Variants in RBMS3 observed in about 807,000 individuals in gnomAD.
RBMS3 encodes RNA-binding motif, single-stranded-interacting protein 3.
Under a neutral mutation model 66.8 loss-of-function variants are expected in RBMS3, and 27 were observed. The ratio of observed to expected loss-of-function variants is 0.40; its 90% CI spans 0.30 to 0.56. RBMS3 has a LOEUF of 0.56. RBMS3 is among the 20% of genes least tolerant of loss of function. The pLI is 0.40. For synonymous variants in RBMS3, 188 were observed against 183.0 expected, an observed-to-expected ratio of 1.03 and a Z score of -0.22; for missense variants, 513 against 549.5, an observed-to-expected ratio of 0.93 and a Z score of 0.66.
chr3:29,682,584 A>G (rs533746855), intron 4 of RBMS3, among the ~76,000 whole-genome samples: 106 of 152,328 alleles, frequency 7.0e-4, no homozygotes, highest in African/African-American at 2.5e-3. Context: ...TGCCACAGGC[A>G]GGAGTTGAAA....
At chr3:29,354,745 A>T (rs1009922627) in intron 1 of RBMS3, among the ~76,000 whole-genome samples, 1 of 152,138 alleles carries the variant, frequency 6.6e-6, no homozygotes, top group African/African-American at 2.4e-5. Context: ...AATAGAGTGG[A>T]TACTGACCAA....
chr3:29,863,637 A>C (rs914932029), intron 6 of RBMS3, among the ~76,000 whole-genome samples: 1 of 152,196 alleles, frequency 6.6e-6, no homozygotes, highest in Non-Finnish European at 1.5e-5. Flanking sequence ...TGTAAAATTT[A>C]TGAAGACAGT....
chr3:29,796,286 G>GT (rs536252067), intron 6 of RBMS3, among the ~76,000 whole-genome samples: 33 of 152,166 alleles, frequency 2.2e-4, no homozygotes, highest in African/African-American at 7.9e-4. Flanking sequence ...TCTAATTCTA[G>GT]TTCTCTTGCT....
At chr3:29,630,444 A>G (rs770355162) in intron 4 of RBMS3, among the ~76,000 whole-genome samples, 7 of 151,916 alleles carry the variant, frequency 4.6e-5, no homozygotes, top group Admixed American at 1.3e-4. Context: ...CTCATTGTCA[A>G]TTTCCCCCAG....
intron 4 of RBMS3, among the ~76,000 whole-genome samples, chr3:29,605,946 T>C (rs1021104476): frequency 1.3e-5 from 2 of 151,146 alleles, no homozygotes; most frequent in Admixed American, 1.3e-4. Flanking sequence ...TTTCTGGCTT[T>C]GTTAAGACAT....
chr3:29,687,747 A>G (rs1411650042), intron 4 of RBMS3, among the ~76,000 whole-genome samples: 2 of 152,178 alleles, frequency 1.3e-5, no homozygotes, highest in African/African-American at 2.4e-5. Context: ...CTGTTTTCCC[A>G]TTTCCATATG....
intron 12 of RBMS3, among the ~76,000 whole-genome samples, chr3:29,953,202 A>C (rs913316293): frequency 2.6e-5 from 4 of 151,910 alleles, no homozygotes; most frequent in African/African-American, 7.2e-5. Flanking sequence ...AATGAGGGGC[A>C]ATTGAATGAT....
chr3:29,601,811 CT>C (rs2048154795), intron 4 of RBMS3, among the ~76,000 whole-genome samples: 1 of 151,886 alleles, frequency 6.6e-6, no homozygotes, highest in African/African-American at 2.4e-5. Context: ...TGATGATGTA[CT>C]TTTTAATTTA....
chr3:29,447,452 T>C (rs879722839), intron 2 of RBMS3, among the ~76,000 whole-genome samples: 17 of 152,232 alleles, frequency 1.1e-4, no homozygotes, highest in Non-Finnish European at 2.1e-4. Flanking sequence ...GGCACCAGAA[T>C]GCCTGAGTTC....
At chr3:29,477,249 T>C (rs1270595445) in intron 2 of RBMS3, among the ~76,000 whole-genome samples, 1 of 152,166 alleles carries the variant, frequency 6.6e-6, no homozygotes, top group Non-Finnish European at 1.5e-5. Flanking sequence ...ATATAATGTA[T>C]AAAAAGCAAT....
chr3:29,642,215 C>A (rs1002965415), intron 4 of RBMS3, among the ~76,000 whole-genome samples: 1 of 152,028 alleles, frequency 6.6e-6, no homozygotes, highest in Admixed American at 6.6e-5. Flanking sequence ...GTTTGCAATT[C>A]TAAGTGGAAA....
intron 8 of RBMS3, among the ~76,000 whole-genome samples, chr3:29,892,311 C>T (rs2060018833): frequency 6.6e-6 from 1 of 151,504 alleles, no homozygotes; most frequent in Non-Finnish European, 1.5e-5. Context: ...AAAGAAACCC[C>T]AGAAGTAACT....
intron 6 of RBMS3, chr3:29,766,421 G>A (rs2055931409): frequency 1.3e-5 from 2 of 152,066 alleles, no homozygotes; most frequent in East Asian, 1.9e-4. Flanking sequence ...GCAAGGACAT[G>A]TAACACTGAC....
chr3:29,839,088 G>A (rs2058601832), intron 6 of RBMS3, among the ~76,000 whole-genome samples: 1 of 152,080 alleles, frequency 6.6e-6, no homozygotes, highest in Admixed American at 6.6e-5. Flanking sequence ...CATAATGAGT[G>A]GATTGTTAAT....
At chr3:29,660,473 A>G (rs920232355) in intron 4 of RBMS3, among the ~76,000 whole-genome samples, 1 of 152,146 alleles carries the variant, frequency 6.6e-6, no homozygotes, top group African/African-American at 2.4e-5. Context: ...ATGTTTTTCA[A>G]TCCATTCCAC....
chr3:29,940,010 C>T (rs2061352764), intron 11 of RBMS3, among the ~76,000 whole-genome samples: 1 of 151,784 alleles, frequency 6.6e-6, no homozygotes, highest in African/African-American at 2.4e-5. Context: ...AATGACATGA[C>T]CATTTTCCCT....
chr3:29,487,927 A>G (rs1452152411), intron 2 of RBMS3, among the ~76,000 whole-genome samples: 11 of 152,170 alleles, frequency 7.2e-5, no homozygotes, highest in Admixed American at 7.2e-4. Flanking sequence ...CTACTATATT[A>G]CATTGCTCCT....
Position 29,696,868 on chromosome 3 carries a change from G to T in RBMS3, c.400-42852G>T, listed in dbSNP as rs1479546622. 1.5e-5 allele frequency: 12 copies of T among 780,646 alleles called. No individual in the cohort carries two copies. In the Admixed American group the frequency reaches 3.1e-4, roughly 20 times the overall value. 48.4% of individuals were successfully genotyped at this position (780,646 alleles called of 1,614,324 possible). A position where few individuals can be genotyped will look rare whatever the true frequency, so the allele number is the denominator to read the frequency against. ...ACATCTTAGAGTCATCATACACAAGGGGTGAGGGAGCTAGGTTATTTATAC... is the reference window on the plus strand; with the variant it reads ...ACATCTTAGAGTCATCATACACAAGTGGTGAGGGAGCTAGGTTATTTATAC... On this transcript the variant is annotated intron_variant, in intron 4 of 14. Coordinates refer to ENST00000383767, the MANE Select transcript of RBMS3 (RefSeq NM_001003793.3).
chr3:29,593,652 T>C lies in RBMS3; in HGVS notation c.399+6447T>C, dbSNP rs138836217. On this transcript the variant is annotated intron_variant, in intron 4 of 14. Coordinates refer to ENST00000383767, the MANE Select transcript of RBMS3 (RefSeq NM_001003793.3). ...AAGGATCAGAAATCCCTATATGCTA[T>C]CATTTGTTTGTATCCCATTTTTCCC... Among the ~76,000 whole-genome samples the C allele has an allele frequency of 2.9e-3, 444 of 152,338 alleles. 4 individuals carry two copies. The highest frequency in any genetic ancestry group is 0.01 in the African/African-American group (422 of 41,578).
Sources: gnomAD v4.1 joint callset for allele counts (sites outside exome capture counted in the v4.1 genomes callset) on GRCh38, gnomAD v4.1.1 for gene constraint, MANE v1.5 for transcripts, NCBI Gene and HGNC (gene_info 2026-07-23, HGNC 2026-07-21) for gene names.